SH3BP4: variants seen among roughly 807,000 people sequenced by gnomAD.
The protein encoded by SH3BP4 is SH3 domain-binding protein 4.
In SH3BP4, 33 loss-of-function variants were observed where a neutral mutation model predicts 65.5. The ratio of observed to expected loss-of-function variants is 0.50; its 90% CI spans 0.38 to 0.67. The LOEUF is 0.67. SH3BP4 is among the 30% of genes least tolerant of loss of function. The pLI is 0.00. For synonymous variants in SH3BP4, 552 were observed against 545.5 expected, an observed-to-expected ratio of 1.01 and a Z score of -0.17; for missense variants, 1,134 against 1,261.4, an observed-to-expected ratio of 0.90 and a Z score of 1.53.
In SH3BP4 at chr2:235,042,726, G is replaced by C. The variant is rs1362059078; in HGVS notation, c.1957G>C (p.Val653Leu). The C allele has an allele frequency of 6.2e-7, 1 of 1,614,196 alleles. No individual in the cohort carries two copies. Among genetic ancestry groups the C allele is most frequent in the Admixed American group, 1.7e-5 (1 of 60,034 alleles). ...TKYPTFQDRP[V>L]SSLKFGKLLK... Reference sequence around the variant, plus strand: ...GTACCCGACTTTCCAGGACCGCCCGGTGTCCAGCCTCAAGTTTGGTAAGTT... The same window carrying C: ...GTACCCGACTTTCCAGGACCGCCCGCTGTCCAGCCTCAAGTTTGGTAAGTT... The change falls in exon 4 of 6, where the codon GTG becomes CTG. Residue 653 changes from valine (V) to leucine (L), a missense_variant. Physicochemically the swap from Val to Leu is conservative, Grantham distance 32. Transcript: ENST00000392011. This position sits in a 1 kb window ranked among gnomAD's most constrained non-coding sequence, Gnocchi z 7.3.
intron 2 of SH3BP4, chr2:234,995,654 G>C (rs762266999): frequency 6.6e-6 from 1 of 152,342 alleles, no homozygotes; most frequent in African/African-American, 2.4e-5. Flanking sequence ...GCCCGGCCCC[G>C]GCGCATTCCC....
chr2:235,036,552 G>A (rs956672313), intron 3 of SH3BP4, among the ~76,000 whole-genome samples: 1 of 151,890 alleles, frequency 6.6e-6, no homozygotes, highest in East Asian at 1.9e-4. Context: ...TCAGGAGTTC[G>A]AGACCAGCCT....
intron 2 of SH3BP4, among the ~76,000 whole-genome samples, chr2:235,005,831 C>T (rs1475824881): frequency 6.6e-6 from 1 of 152,228 alleles, no homozygotes; most frequent in Non-Finnish European, 1.5e-5. Flanking sequence ...AGGGGTGGCC[C>T]ATTGTAAACA....
chr2:234,955,046 C>A (rs1306732268), intron 1 of SH3BP4, among the ~76,000 whole-genome samples: 1 of 152,152 alleles, frequency 6.6e-6, no homozygotes, highest in Non-Finnish European at 1.5e-5. Context: ...AATTGCACAC[C>A]TAAATTGGGC....
intron 3 of SH3BP4, among the ~76,000 whole-genome samples, chr2:235,039,465 A>G (rs1182770928): frequency 6.8e-6 from 1 of 147,604 alleles, no homozygotes; most frequent in Non-Finnish European, 1.5e-5. Flanking sequence ...TTCTTTGGTC[A>G]TTTGCTTTGG....
intron 1 of SH3BP4, among the ~76,000 whole-genome samples, chr2:234,969,853 CCT>C (rs1409519851): frequency 2.6e-5 from 4 of 152,244 alleles, no homozygotes; most frequent in Admixed American, 6.5e-5. Flanking sequence ...ACACACACCC[CCT>C]CTTTCTCTGT....
At chr2:234,971,126 T>C (rs763009380) in intron 1 of SH3BP4, among the ~76,000 whole-genome samples, 2 of 152,222 alleles carry the variant, frequency 1.3e-5, no homozygotes, top group Non-Finnish European at 2.9e-5. Flanking sequence ...TCACACCTTT[T>C]TCATCTTGCA....
At chr2:234,969,628 C>A (rs138237434) in intron 1 of SH3BP4, among the ~76,000 whole-genome samples, 54 of 152,336 alleles carry the variant, frequency 3.5e-4, no homozygotes, top group Admixed American at 5.9e-4. Context: ...ACAGAATAAG[C>A]CTCCGCTTTT....
At position 235,055,090 on chromosome 2, in the gene SH3BP4, T is replaced by C. The variant is rs1272174140; in HGVS notation, c.*1274T>C. The C allele has an allele frequency of 1.3e-5, 2 of 152,232 alleles. No individual in the cohort carries two copies. The highest frequency in any genetic ancestry group is 1.3e-4 in the Admixed American group (2 of 15,284). 9.4% of individuals were successfully genotyped at this position (152,232 alleles called of 1,614,324 possible). ...ATAACTTTAGGGTGCAGACATGCTG[T>C]GTGAATCTCACAATGCGTCGTAGAT... On this transcript the variant is annotated 3_prime_UTR_variant, in exon 6 of 6. Transcript: ENST00000392011.
intron 2 of SH3BP4, among the ~76,000 whole-genome samples, chr2:235,032,459 A>G (rs1413280255): frequency 2.6e-5 from 4 of 152,012 alleles, no homozygotes; most frequent in Non-Finnish European, 4.4e-5. Context: ...GCATTTTTGT[A>G]TGGGAAGGAT....
rs577929239 is a variant in SH3BP4, at chr2:234,989,355, G to A, written c.-206-5948G>A. ...TGAAATGGATGTTGGGCCCGTTCCC[G>A]TCTCCCTTTCTGACCACACCTACGT... On this transcript the variant is annotated intron_variant, in intron 1 of 5. Coordinates refer to ENST00000392011, the MANE Select transcript of SH3BP4 (RefSeq NM_014521.3). 1.3e-3 allele frequency among the ~76,000 whole-genome samples: 195 copies of A among 152,298 alleles called. 1 individual carries two copies. The highest frequency in any genetic ancestry group is 4.6e-3 in the African/African-American group (190 of 41,566).
intron 4 of SH3BP4, among the ~76,000 whole-genome samples, chr2:235,049,920 G>A (rs563752148): frequency 9.2e-5 from 14 of 151,944 alleles, no homozygotes; most frequent in Non-Finnish European, 1.6e-4. Context: ...GATGCCTTGC[G>A]GCCCACACAG....
chr2:235,022,918 TG>T (rs1317261635), intron 2 of SH3BP4, among the ~76,000 whole-genome samples: 1 of 152,210 alleles, frequency 6.6e-6, no homozygotes, highest in African/African-American at 2.4e-5. Context: ...TGGGGCCTGA[TG>T]GGTCTGGTTG....
At position 235,040,991 on chromosome 2, in the gene SH3BP4, G is replaced by A. The variant is rs150597165; in HGVS notation, c.222G>A (p.Leu74=). Residue 74 remains leucine (L), a synonymous_variant, in exon 4 of 6, where the codon CTG becomes CTA. Coordinates refer to ENST00000392011, the MANE Select transcript of SH3BP4 (RefSeq NM_014521.3). ...KDYCPTNFTT[L]KFSKGDHLYV... is the part of the protein sequence containing the mutation. ...ATTGCCCCACCAACTTCACCACACTGAAGTTCTCCAAGGGCGACCATCTCT... is the reference window on the plus strand; with the variant it reads ...ATTGCCCCACCAACTTCACCACACTAAAGTTCTCCAAGGGCGACCATCTCT... The A allele has an allele frequency of 1.0e-4, 167 of 1,614,176 alleles. No homozygotes were observed. The African/African-American group carries it at 2.1e-3, about 20-fold the overall frequency.
At chr2:235,009,805 C>G (rs1694417622) in intron 2 of SH3BP4, among the ~76,000 whole-genome samples, 1 of 152,080 alleles carries the variant, frequency 6.6e-6, no homozygotes, top group Admixed American at 6.5e-5. Flanking sequence ...AAACCCTCTA[C>G]CTTCCTTTTT....
At position 235,008,404 on chromosome 2, in the gene SH3BP4, C is replaced by T. The variant is rs191969827; in HGVS notation, c.-133+13028C>T. Among the ~76,000 whole-genome samples the T allele has an allele frequency of 2.6e-4, 40 of 152,294 alleles. 1 individual carries two copies. The South Asian group carries it at 7.9e-3, about 30-fold the overall frequency. ...AGAGAAAACGCCAGGAAGAACCAGC[C>T]GAGGCCTACTCAGGAACCATGGCGA... On this transcript the variant is annotated intron_variant, in intron 2 of 5. Coordinates refer to ENST00000392011, the MANE Select transcript of SH3BP4 (RefSeq NM_014521.3).
At chr2:234,957,906 C>G (rs1300802027) in intron 1 of SH3BP4, among the ~76,000 whole-genome samples, 1 of 152,114 alleles carries the variant, frequency 6.6e-6, no homozygotes, top group African/African-American at 2.4e-5. Context: ...TGAGGAAGTG[C>G]TGGGCTAGGA....
At chr2:234,988,150 C>G (rs1693628806) in intron 1 of SH3BP4, among the ~76,000 whole-genome samples, 1 of 152,158 alleles carries the variant, frequency 6.6e-6, no homozygotes, top group Non-Finnish European at 1.5e-5. Context: ...TCCTTCGCCT[C>G]CCGGGTTCAA....
At chr2:235,049,739 C>T (rs754359138) in intron 4 of SH3BP4, among the ~76,000 whole-genome samples, 8 of 152,144 alleles carry the variant, frequency 5.3e-5, no homozygotes, top group Non-Finnish European at 7.3e-5. Flanking sequence ...TAATCCAGAC[C>T]GGTATTACAT....
Sources: gnomAD v4.1 joint callset for allele counts (sites outside exome capture counted in the v4.1 genomes callset) on GRCh38, gnomAD v4.1.1 for gene constraint, Gnocchi (gnomAD v3.1) non-coding constraint, MANE v1.5 for transcripts, NCBI Gene and HGNC (gene_info 2026-07-23, HGNC 2026-07-21) for gene names.